The following DYNC2H1 variants were observed in gnomAD, a reference collection of about 807,000 sequenced individuals.
DYNC2H1 encodes cytoplasmic dynein 2 heavy chain 1.
In DYNC2H1, 410 loss-of-function variants were observed where a neutral mutation model predicts 570.0. The observed-to-expected ratio is 0.72, with a 90% CI of 0.66 to 0.78. DYNC2H1 has a LOEUF of 0.78. Among genes scored for constraint, DYNC2H1 ranks in the 30% least tolerant of loss-of-function variants. DYNC2H1 has a pLI of 0.00. For synonymous variants in DYNC2H1, 1,688 were observed against 1,677.6 expected (o/e 1.01, Z -0.15); for missense variants, 4,865 against 5,046.4 (o/e 0.96, Z 1.09).
chr11:103,155,208 C>T, intron 24 of DYNC2H1, 123 bp from the exon 25 acceptor site: 3 of 928,352 alleles, frequency 3.2e-6, no homozygotes, highest in Non-Finnish European at 4.6e-6. Context: ...GATTATTAAA[C>T]AAGAAAATGG....
intron 82 of DYNC2H1, among the ~76,000 whole-genome samples, chr11:103,351,183 A>AGT (rs1174609541): frequency 7.9e-5 from 12 of 152,146 alleles, no homozygotes; most frequent in Non-Finnish European, 1.5e-4. Context: ...AAGGTTCAAA[A>AGT]TGTCCTTACT....
rs1288881813 is a variant in DYNC2H1 at position 103,191,508 on chromosome 11, C to G, written c.7438-9C>G. ...GTAGAAAGATTGTTTACTGTATTTTCTTTTTCAGGTGCGAGCCAAATTTAC... is the reference window on the plus strand; with the variant it reads ...GTAGAAAGATTGTTTACTGTATTTTGTTTTTCAGGTGCGAGCCAAATTTAC... On this transcript the variant is annotated splice_polypyrimidine_tract_variant and intron_variant, in intron 45 of 88. Coordinates refer to ENST00000375735, the MANE Select transcript of DYNC2H1 (RefSeq NM_001377.3). The G allele has an allele frequency of 4.4e-6, 7 of 1,583,054 alleles. No homozygotes were observed. Among genetic ancestry groups the G allele is most frequent in the African/African-American group, 1.3e-5 (1 of 74,478 alleles).
rs1938373508 is a variant in DYNC2H1, at chr11:103,324,590, A to G, written c.12039+600A>G. Reference sequence around the variant, plus strand: ...ATATTCCATGTTGTCTATGTATCACATTTTCTTTATTCAGTCTACCATTGA... The same window carrying G: ...ATATTCCATGTTGTCTATGTATCACGTTTTCTTTATTCAGTCTACCATTGA... On this transcript the variant is annotated intron_variant, in intron 82 of 88. Transcript: ENST00000375735. The surrounding 1 kb of genome is among the most constrained non-coding windows in gnomAD (Gnocchi z 5.2). Among the ~76,000 whole-genome samples the G allele has an allele frequency of 1.3e-5, 2 of 151,906 alleles. No individual in the cohort carries two copies. Among genetic ancestry groups the G allele is most frequent in the Admixed American group, 1.3e-4 (2 of 15,256 alleles).
chr11:103,189,764 C>T lies in DYNC2H1; in HGVS notation c.7385C>T (p.Ser2462Phe), dbSNP rs770346645. The T allele has an allele frequency of 2.5e-6, 4 of 1,611,548 alleles. No individual in the cohort carries two copies. In the African/African-American group the frequency reaches 5.3e-5, roughly 22 times the overall value. ...KNLKNHSIWG[S>F]SSKIYLLAGS... ...CTGAAGAATCATTCTATTTGGGGTT[C>T]TTCATCAAAAATTTATCTTTTAGCA... Residue 2462 changes from serine to phenylalanine, a missense_variant, in exon 45 of 89, where the codon TCT becomes TTT. Around this residue, in one of 5 missense-constraint regions of DYNC2H1, gnomAD observed 2,401 missense variants for 2,454.6 expected, o/e 0.98. Transcript: ENST00000375735. This position sits in a 1 kb window ranked among gnomAD's most constrained non-coding sequence, Gnocchi z 4.3.
chr11:103,338,523 A>G (rs1939274387), intron 82 of DYNC2H1, among the ~76,000 whole-genome samples: 1 of 151,854 alleles, frequency 6.6e-6, no homozygotes, highest in South Asian at 2.1e-4. Flanking sequence ...GTTTTTGTGT[A>G]CTCTTCAATT....
chr11:103,406,637 C>T (rs538900535), intron 84 of DYNC2H1: 18 of 151,992 alleles, frequency 1.2e-4, no homozygotes, highest in Middle Eastern at 3.4e-3. Context: ...AGCAAATAAT[C>T]AGGTTTAGAA....
chr11:103,457,975 C>T (rs1028008034), intron 87 of DYNC2H1, among the ~76,000 whole-genome samples: 1 of 152,138 alleles, frequency 6.6e-6, no homozygotes, highest in Non-Finnish European at 1.5e-5. Context: ...TAAAAAGTTA[C>T]AGTAAGCTAA....
chr11:103,342,991 G>A (rs1340997045), intron 82 of DYNC2H1, among the ~76,000 whole-genome samples: 1 of 152,050 alleles, frequency 6.6e-6, no homozygotes, highest in Admixed American at 6.5e-5. Flanking sequence ...GCTAAACACT[G>A]GGCACCCATT....
chr11:103,462,850 G>C (rs1457649697), intron 87 of DYNC2H1, among the ~76,000 whole-genome samples: 1 of 152,054 alleles, frequency 6.6e-6, no homozygotes, highest in African/African-American at 2.4e-5. Context: ...ATGTTGACCT[G>C]TATATCTTTC....
chr11:103,373,585 A>T (rs3910097), intron 83 of DYNC2H1, among the ~76,000 whole-genome samples: 16,132 of 152,080 alleles, frequency 0.11, 927 homozygotes, highest in East Asian at 0.2. Flanking sequence ...CTCTTCCTAA[A>T]TCTCTTAAAA....
In DYNC2H1 at chr11:103,155,343, A is replaced by T; in HGVS notation, c.3586A>T (p.Ile1196Phe). 1 of 1,599,542 alleles carries T rather than the reference A, an allele frequency of 6.3e-7. No homozygotes were observed. The highest frequency in any genetic ancestry group is 8.5e-7 in the Non-Finnish European group (1 of 1,175,592). ...TTTTTTGTAACAGATCGTAATTCCT[A>T]TCTTGAAATATGTGAGAGGGGAGCA... ...EVDKYKIVIP[I>F]LKYVRGEHLS... The change falls in exon 25 of 89, where the codon ATC becomes TTC. Residue 1196 changes from isoleucine to phenylalanine, a missense_variant. Coordinates refer to ENST00000375735, the MANE Select transcript of DYNC2H1 (RefSeq NM_001377.3).
At chr11:103,421,124 GAC>G (rs1049790919) in intron 84 of DYNC2H1, among the ~76,000 whole-genome samples, 17 of 152,192 alleles carry the variant, frequency 1.1e-4, no homozygotes, top group African/African-American at 4.1e-4. Context: ...ATTAAAAAAA[GAC>G]AAAGAAGGAC....
At chr11:103,136,043 T>G (rs1349237500) in intron 17 of DYNC2H1, 95 bp downstream of exon 17, 1 of 1,033,114 alleles carries the variant, frequency 9.7e-7, no homozygotes, top group Admixed American at 3.4e-5. Flanking sequence ...TTACCTTGTG[T>G]GGCATAACAT....
At chr11:103,184,158 T>G (rs1223226523) in intron 40 of DYNC2H1, among the ~76,000 whole-genome samples, 3 of 151,978 alleles carry the variant, frequency 2.0e-5, no homozygotes, top group Non-Finnish European at 4.4e-5. Flanking sequence ...TGAGTTACTG[T>G]TTCCCACAAC....
intron 20 of DYNC2H1, among the ~76,000 whole-genome samples, chr11:103,149,676 G>A (rs1860438126): frequency 6.6e-6 from 1 of 152,314 alleles, no homozygotes; most frequent in Non-Finnish European, 1.5e-5. Flanking sequence ...TGACTGATAT[G>A]TATGGATCAC....
chr11:103,399,602 C>T (rs1172815135), intron 83 of DYNC2H1, 61 bp from the exon 84 acceptor site: 9 of 1,158,186 alleles, frequency 7.8e-6, no homozygotes, highest in South Asian at 3.2e-5. Flanking sequence ...AGTTTCAAAG[C>T]GTTTTATATA....
intron 83 of DYNC2H1, among the ~76,000 whole-genome samples, chr11:103,396,043 TATC>T (rs1433719303): frequency 1.3e-5 from 2 of 152,232 alleles, no homozygotes; most frequent in African/African-American, 4.8e-5. Flanking sequence ...TTATCTTCCT[TATC>T]ATAGAAAACA....
At chr11:103,220,539 T>A in intron 56 of DYNC2H1, 84 bp from the exon 57 acceptor site, 1 of 1,336,608 alleles carries the variant, frequency 7.5e-7, no homozygotes, top group Non-Finnish European at 1.0e-6. Context: ...TTTGCATAAA[T>A]GACAATAAAA....
rs754919042 is a variant in DYNC2H1 at position 103,173,242 on chromosome 11, C to A, written c.5495C>A (p.Ser1832Ter). ...NELIAEVILYSEGFKDAKVLS... is the reference protein window; with the variant it reads ...NELIAEVILY ...CTTATTGCAGAAGTTATTCTCTATT[C>A]GGAAGGCTTTAAAGACGCTAAAGTA... The change falls in exon 35 of 89, where the codon TCG becomes TAG. Residue 1832 changes from serine to a stop codon, truncating the protein, a stop_gained. Transcript: ENST00000375735. LOFTEE classifies it high-confidence loss of function. 2 of 1,600,012 alleles carry A rather than the reference C, an allele frequency of 1.2e-6. No homozygotes were observed. Among genetic ancestry groups the A allele is most frequent in the Admixed American group, 3.4e-5 (2 of 58,272 alleles).
Sources: gnomAD v4.1 joint callset for allele counts (sites outside exome capture counted in the v4.1 genomes callset) on GRCh38, gnomAD v4.1.1 for gene constraint, gnomAD v4.1.1 regional missense constraint, Gnocchi (gnomAD v3.1) non-coding constraint, MANE v1.5 for transcripts, NCBI Gene and HGNC (gene_info 2026-07-23, HGNC 2026-07-21) for gene names.